Variants in ARHGAP6 observed in about 807,000 individuals in gnomAD.
ARHGAP6 encodes Rho GTPase activating protein 6.
Under a neutral mutation model 55.7 loss-of-function variants are expected in ARHGAP6, and 16 were observed. The observed-to-expected ratio is 0.29, with a 90% CI of 0.19 to 0.44. The LOEUF (loss-of-function observed/expected upper bound fraction) is 0.44, where lower values mean the gene tolerates loss of function less well. Among genes scored for constraint, ARHGAP6 ranks in the 20% least tolerant of loss-of-function variants. The pLI, the probability that ARHGAP6 is intolerant of heterozygous loss-of-function variation, is 1.00. For synonymous variants in ARHGAP6, 382 were observed against 360.9 expected, an observed-to-expected ratio of 1.06 and a Z score of -0.66; for missense variants, 698 against 808.9, an observed-to-expected ratio of 0.86 and a Z score of 1.66.
chrX:11,536,775 A>C (rs113869677), intron 1 of ARHGAP6, among the ~76,000 whole-genome samples: 2,335 of 112,666 alleles, frequency 0.021, 34 homozygotes, highest in Middle Eastern at 0.056. Context: ...ATTGTCTCTG[A>C]TATTTGAATT....
rs369395376 is a variant in ARHGAP6, at chrX:11,563,587, C to T, written c.588+100654G>A. 2.7e-3 allele frequency among the ~76,000 whole-genome samples: 304 copies of T among 111,336 alleles called. 1 individual carries two copies. The highest frequency in any genetic ancestry group is 9.8e-3 in the African/African-American group (300 of 30,724). ...GATACTCCTGTAAGCCAGAATAGCACATCTCTGCAAAGATTGGAAACTTTG... is the reference window on the plus strand; with the variant it reads ...GATACTCCTGTAAGCCAGAATAGCATATCTCTGCAAAGATTGGAAACTTTG... On this transcript the variant is annotated intron_variant, in intron 1 of 12. Transcript: ENST00000337414.
At chrX:11,470,631 G>A (rs894672815) in intron 1 of ARHGAP6, among the ~76,000 whole-genome samples, 4 of 112,891 alleles carry the variant, frequency 3.5e-5, no homozygotes, top group South Asian at 3.6e-4. Flanking sequence ...GTGACTTTGA[G>A]TGTTCTAGAA....
chrX:11,484,241 T>C (rs1338884426), intron 1 of ARHGAP6, among the ~76,000 whole-genome samples: 1 of 109,718 alleles, frequency 9.1e-6, no homozygotes, highest in Admixed American at 9.9e-5. Context: ...CCCTGGTATG[T>C]GCAGCAGCTG....
In ARHGAP6 at chrX:11,455,806, T is replaced by C. The variant is rs1257796713; in HGVS notation, c.589-201099A>G. Among the ~76,000 whole-genome samples the C allele has an allele frequency of 1.8e-5, 2 of 112,209 alleles. 1 individual carries two copies. The highest frequency in any genetic ancestry group is 3.8e-5 in the Non-Finnish European group (2 of 53,254). On this transcript the variant is annotated intron_variant, in intron 1 of 12. Transcript: ENST00000337414. ...TCAATAACTTGGTACCTGGTACCTA[T>C]GGCAGGTCACTTAAAATCTTTTGAT...
In ARHGAP6 at chrX:11,664,331, G is replaced by C; in HGVS notation, c.498C>G (p.Ile166Met). The C allele has an allele frequency of 8.2e-7, 1 of 1,212,276 alleles. No homozygotes were observed. Among genetic ancestry groups the C allele is most frequent in the Non-Finnish European group, 1.1e-6 (1 of 895,648 alleles). ...LCSSGGGPNG[I>M]FASPRRWLQQ... is the part of the protein sequence containing the mutation. The stretch of plus-strand genomic sequence containing the variant: ...GGAGCCACCTCCTAGGAGAAGCGAA[G>C]ATGCCATTGGGGCCTCCCCCGGATG... Residue 166 changes from isoleucine to methionine, a missense_variant, in exon 1 of 13, where the codon ATC (isoleucine) becomes ATG (methionine). Ile to Met is a conservative substitution (Grantham distance 10). Around this residue, in one of 3 missense-constraint regions of ARHGAP6, gnomAD observed 164 missense variants for 149.2 expected, o/e 1.10. Coordinates refer to ENST00000337414, the MANE Select transcript of ARHGAP6 (RefSeq NM_013427.3).
chrX:11,573,455 T>C (rs1485403451), intron 1 of ARHGAP6, among the ~76,000 whole-genome samples: 4 of 110,435 alleles, frequency 3.6e-5, no homozygotes, highest in Non-Finnish European at 7.6e-5. Flanking sequence ...CCTTTCCCCG[T>C]TGCTTGTTTT....
At chrX:11,433,578 C>A (rs1217232544) in intron 1 of ARHGAP6, among the ~76,000 whole-genome samples, 1 of 112,637 alleles carries the variant, frequency 8.9e-6, no homozygotes, top group Admixed American at 9.4e-5. Flanking sequence ...TATCCATAAT[C>A]TAATGTTAGT....
At chrX:11,352,634 G>C (rs1051132729) in intron 1 of ARHGAP6, among the ~76,000 whole-genome samples, 11 of 111,409 alleles carry the variant, frequency 9.9e-5, no homozygotes, top group Admixed American at 2.9e-4. Flanking sequence ...GAGAGATTTC[G>C]GCACATCTGA....
At chrX:11,530,718 A>G (rs897825929) in intron 1 of ARHGAP6, among the ~76,000 whole-genome samples, 1 of 111,547 alleles carries the variant, frequency 9.0e-6, no homozygotes, top group South Asian at 3.8e-4. Flanking sequence ...GTGGATAACT[A>G]AGGGAAAAAC....
At chrX:11,590,408 T>A (rs748752712) in intron 1 of ARHGAP6, among the ~76,000 whole-genome samples, 1 of 110,208 alleles carries the variant, frequency 9.1e-6, no homozygotes, top group African/African-American at 3.3e-5. Context: ...ATTTCCAGTA[T>A]CAAACACAAT....
At chrX:11,140,436 TA>T (rs749318989) in intron 12 of ARHGAP6, among the ~76,000 whole-genome samples, 22 of 93,701 alleles carry the variant, frequency 2.3e-4, no homozygotes, top group Non-Finnish European at 3.8e-4. Context: ...AAAAAAAAAT[TA>T]AAAAAAAAAA....
At chrX:11,540,111 A>C (rs1355969193) in intron 1 of ARHGAP6, among the ~76,000 whole-genome samples, 2 of 109,591 alleles carry the variant, frequency 1.8e-5, no homozygotes, top group South Asian at 8.1e-4. Flanking sequence ...AAAATTAGCC[A>C]GGCATGGTGG....
At chrX:11,466,000 A>G (rs1298724225) in intron 1 of ARHGAP6, among the ~76,000 whole-genome samples, 1 of 110,250 alleles carries the variant, frequency 9.1e-6, no homozygotes, top group African/African-American at 3.3e-5. Context: ...CCTCCATGAG[A>G]ACAGTTAACC....
chrX:11,192,218 C>A (rs924331174), intron 3 of ARHGAP6, among the ~76,000 whole-genome samples: 6 of 112,422 alleles, frequency 5.3e-5, no homozygotes, highest in African/African-American at 1.9e-4. Context: ...AACCAGAAAT[C>A]TGAGAGTCAT....
Position 11,234,724 on chromosome X carries a change from C to T in ARHGAP6, c.748+19824G>A, listed in dbSNP as rs144219905. On this transcript the variant is annotated intron_variant, in intron 2 of 12. Transcript: ENST00000337414. ...ACTACCCAAATGAACTGAAAACTTA[C>T]GTCCACACAAAAACTTGTATGCCAG... is the stretch of plus-strand genomic sequence containing the variant. Among the ~76,000 whole-genome samples, 33 of 112,604 alleles carry T rather than the reference C, an allele frequency of 2.9e-4. No homozygotes were observed. In the East Asian group the frequency reaches 8.4e-3, roughly 29 times the overall value.
At chrX:11,490,364 A>G (rs2050555354) in intron 1 of ARHGAP6, among the ~76,000 whole-genome samples, 1 of 111,444 alleles carries the variant, frequency 9.0e-6, no homozygotes, top group African/African-American at 3.3e-5. Flanking sequence ...CAGCAAGAAA[A>G]TAGGGACCTT....
intron 1 of ARHGAP6, among the ~76,000 whole-genome samples, chrX:11,323,513 G>A (rs991829311): frequency 8.9e-6 from 1 of 111,852 alleles, no homozygotes; most frequent in African/African-American, 3.2e-5. Flanking sequence ...TTTATTAAAA[G>A]TTTATGAGGA....
At chrX:11,499,246 T>C (rs891709428) in intron 1 of ARHGAP6, among the ~76,000 whole-genome samples, 3 of 112,210 alleles carry the variant, frequency 2.7e-5, no homozygotes, top group Non-Finnish European at 5.6e-5. Flanking sequence ...TCTAATACAT[T>C]GAGTCAAGCT....
At chrX:11,631,608 T>C (rs2052362735) in intron 1 of ARHGAP6, among the ~76,000 whole-genome samples, 1 of 111,130 alleles carries the variant, frequency 9.0e-6, no homozygotes, top group Non-Finnish European at 1.9e-5. Flanking sequence ...CAATGTTATT[T>C]TAAGAGATCA....
Sources: gnomAD v4.1 joint callset for allele counts (sites outside exome capture counted in the v4.1 genomes callset) on GRCh38, gnomAD v4.1.1 for gene constraint, gnomAD v4.1.1 regional missense constraint, MANE v1.5 for transcripts, NCBI Gene and HGNC (gene_info 2026-07-23, HGNC 2026-07-21) for gene names.